Variants in RANBP17 observed in about 807,000 individuals in gnomAD.
RANBP17 encodes the protein RAN binding protein 17.
A neutral mutation model predicts 141.2 loss-of-function variants in RANBP17; 158 were observed. That is an observed-to-expected ratio of 1.12 (90% CI 0.98 to 1.28). The LOEUF (loss-of-function observed/expected upper bound fraction) is 1.28. RANBP17 is among the 50% of genes most tolerant of loss of function. The pLI, the probability that RANBP17 is intolerant of heterozygous loss-of-function variation, is 0.00. For missense variants in RANBP17, 1,438 were observed against 1,290.7 expected, an observed-to-expected ratio of 1.11 and a Z score of -1.75; for synonymous variants, 430 against 450.0, an observed-to-expected ratio of 0.96 and a Z score of 0.56.
At chr5:171,260,231 G>T (rs1249312694) in intron 24 of RANBP17, among the ~76,000 whole-genome samples, 2 of 149,942 alleles carry the variant, frequency 1.3e-5, no homozygotes, top group Non-Finnish European at 3.0e-5. Flanking sequence ...AACCCGGGAG[G>T]TAGAGGTTGC....
intron 14 of RANBP17, among the ~76,000 whole-genome samples, chr5:170,987,511 A>G (rs1581324415): frequency 6.7e-6 from 1 of 148,674 alleles, no homozygotes; most frequent in African/African-American, 2.5e-5. Flanking sequence ...CAATACATAT[A>G]TAATACATTA....
In RANBP17 at chr5:170,968,316, T is replaced by C. The variant is rs202021517; in HGVS notation, c.1649T>C (p.Leu550Pro). The C allele has an allele frequency of 6.2e-5, 100 of 1,609,700 alleles. No homozygotes were observed. Among genetic ancestry groups the C allele is most frequent in the Non-Finnish European group, 8.1e-5 (95 of 1,177,966 alleles). ...AATGAGAAAATAGAGCTTGCAATTC[T>C]GTGGTTCTTGGATCAGTTTCGTAAA... The part of the protein sequence containing the change: ...CCNEKIELAI[L>P]WFLDQFRKTY... The change falls in exon 14 of 28, where the codon CTG (leucine) becomes CCG (proline). Residue 550 changes from leucine (L) to proline (P), a missense_variant. Physicochemically the swap from Leu to Pro is moderately conservative, Grantham distance 98 (BLOSUM62 -3). Transcript: ENST00000523189.
intron 14 of RANBP17, among the ~76,000 whole-genome samples, chr5:171,001,391 C>T (rs542704196): frequency 7.2e-5 from 11 of 152,142 alleles, no homozygotes; most frequent in African/African-American, 1.4e-4. Flanking sequence ...GTACCCAGGA[C>T]GTCCAATTAG....
Position 171,270,584 on chromosome 5 carries a change from G to A in RANBP17, c.2943+4737G>A, listed in dbSNP as rs149792934. Among the ~76,000 whole-genome samples the A allele has an allele frequency of 5.3e-3, 811 of 152,102 alleles. 5 individuals are homozygous for A. Among genetic ancestry groups the A allele is most frequent in the African/African-American group, 0.019 (780 of 41,508 alleles). The stretch of plus-strand genomic sequence containing the variant: ...TTCTATGTGAAATTTTTTCAGTTTC[G>A]TCACTGATCAGTAAGTATTTGTATC... On this transcript the variant is annotated intron_variant, in intron 25 of 27. Transcript: ENST00000523189.
chr5:171,232,993 G>A lies in RANBP17; in HGVS notation c.2423-7935G>A, dbSNP rs556735333. ...ATGTGTAATAAGAACAGCAGTTGCT[G>A]TTCCAGGTTCTTTGGATACCTCAGT... On this transcript the variant is annotated intron_variant, in intron 22 of 27. Transcript: ENST00000523189. 2.0e-5 allele frequency among the ~76,000 whole-genome samples: 3 copies of A among 152,260 alleles called. No individual in the cohort carries two copies. The East Asian group carries it at 5.8e-4, about 29-fold the overall frequency.
At chr5:171,226,093 G>C (rs1351297108) in intron 22 of RANBP17, among the ~76,000 whole-genome samples, 1 of 152,158 alleles carries the variant, frequency 6.6e-6, no homozygotes, top group African/African-American at 2.4e-5. Flanking sequence ...TCAAAACTTA[G>C]TGCTACGATC....
At position 170,948,127 on chromosome 5, in the gene RANBP17, C is replaced by T. The variant is rs180962221; in HGVS notation, c.1469-5470C>T. On this transcript the variant is annotated intron_variant, in intron 12 of 27. Transcript: ENST00000523189. ...CTGGTCAGCATAGTTGTATCTTTCC[C>T]CAGTTATATTAAACTGTGTGAGTAC... 9.4e-4 allele frequency among the ~76,000 whole-genome samples: 143 copies of T among 152,164 alleles called. 2 individuals are homozygous for T. The highest frequency in any genetic ancestry group is 3.4e-3 in the African/African-American group (141 of 41,520).
At chr5:170,993,003 C>G (rs1778603959) in intron 14 of RANBP17, among the ~76,000 whole-genome samples, 1 of 152,036 alleles carries the variant, frequency 6.6e-6, no homozygotes, top group African/African-American at 2.4e-5. Flanking sequence ...GGCAGATGCT[C>G]TGCCTTGTTT....
chr5:171,105,749 T>C (rs1005048234), intron 14 of RANBP17, among the ~76,000 whole-genome samples: 1 of 152,050 alleles, frequency 6.6e-6, no homozygotes, highest in African/African-American at 2.4e-5. Context: ...TTCTATCTTA[T>C]ATCTTTGACT....
At chr5:170,970,899 T>A (rs1047176504) in intron 14 of RANBP17, among the ~76,000 whole-genome samples, 3 of 152,176 alleles carry the variant, frequency 2.0e-5, no homozygotes, top group African/African-American at 7.2e-5. Context: ...ACTGTAATTT[T>A]GGTTAGTACT....
chr5:171,133,397 C>T (rs1222315451), intron 14 of RANBP17, among the ~76,000 whole-genome samples: 2 of 152,096 alleles, frequency 1.3e-5, no homozygotes, highest in Admixed American at 6.5e-5. Flanking sequence ...TAACTTGATA[C>T]ATTTTGTTTG....
intron 3 of RANBP17, among the ~76,000 whole-genome samples, chr5:170,884,856 C>T (rs1227440821): frequency 6.6e-6 from 1 of 151,880 alleles, no homozygotes; most frequent in Non-Finnish European, 1.5e-5. Context: ...GTTTCTACTA[C>T]ATCTTCTCCC....
chr5:171,120,124 A>C (rs1755922437), intron 14 of RANBP17, among the ~76,000 whole-genome samples: 1 of 151,692 alleles, frequency 6.6e-6, no homozygotes, highest in Non-Finnish European at 1.5e-5. Flanking sequence ...TATCAGACAG[A>C]GCGGCTCCTG....
intron 14 of RANBP17, among the ~76,000 whole-genome samples, chr5:171,041,530 G>C (rs1361064574): frequency 6.6e-6 from 1 of 152,050 alleles, no homozygotes; most frequent in African/African-American, 2.4e-5. Flanking sequence ...CAATTTTGTT[G>C]TTGTGGAAAC....
chr5:171,236,386 C>T (rs1764549125), intron 22 of RANBP17, among the ~76,000 whole-genome samples: 1 of 152,164 alleles, frequency 6.6e-6, no homozygotes, highest in Non-Finnish European at 1.5e-5. Flanking sequence ...TCCCTTGCAT[C>T]ACTTTTCTAA....
chr5:171,101,289 G>A (rs1787142112), intron 14 of RANBP17, among the ~76,000 whole-genome samples: 1 of 152,034 alleles, frequency 6.6e-6, no homozygotes, highest in Non-Finnish European at 1.5e-5. Context: ...TCCTGTATTG[G>A]GTGCATATAT....
At chr5:171,130,593 T>C (rs1016930783) in intron 14 of RANBP17, among the ~76,000 whole-genome samples, 4 of 151,886 alleles carry the variant, frequency 2.6e-5, no homozygotes, top group African/African-American at 7.3e-5. Flanking sequence ...TGCGCCACCA[T>C]GCCTGGCTAA....
intron 20 of RANBP17, among the ~76,000 whole-genome samples, chr5:171,209,338 C>A (rs1248927002): frequency 1.3e-5 from 2 of 152,118 alleles, no homozygotes; most frequent in Non-Finnish European, 2.9e-5. Context: ...GGAATTTAGA[C>A]CCTTATTCCA....
Position 170,876,450 on chromosome 5 carries a change from G to A in RANBP17, c.19-1647G>A, listed in dbSNP as rs151129659. Among the ~76,000 whole-genome samples the A allele has an allele frequency of 7.2e-5, 11 of 152,306 alleles. No homozygotes were observed. In the East Asian group the frequency reaches 2.1e-3, roughly 29 times the overall value. ...TACGTATTCATGAACTATAAAGATT[G>A]TATGCATTTTCCTGTTGTGAACAGT... On this transcript the variant is annotated intron_variant, in intron 1 of 27. Transcript: ENST00000523189.
Sources: gnomAD v4.1 joint callset for allele counts (sites outside exome capture counted in the v4.1 genomes callset) on GRCh38, gnomAD v4.1.1 for gene constraint, MANE v1.5 for transcripts, NCBI Gene and HGNC (gene_info 2026-07-23, HGNC 2026-07-21) for gene names.